CWC25: variants seen among roughly 807,000 people sequenced by gnomAD.
CWC25 encodes the protein CWC25 spliceosome associated protein.
In CWC25, 31 loss-of-function variants were observed where a neutral mutation model predicts 54.6. The observed-to-expected ratio is 0.57, with a 90% CI of 0.43 to 0.77. The LOEUF is 0.77. CWC25 is among the 30% of genes least tolerant of loss of function. The pLI is 0.00. For synonymous variants in CWC25, 151 were observed against 187.0 expected, an observed-to-expected ratio of 0.81 and a Z score of 1.57; for missense variants, 453 against 529.3, an observed-to-expected ratio of 0.86 and a Z score of 1.41.
Position 38,825,251 on chromosome 17 carries a change from G to A in CWC25, c.-68C>T. ...CGGGAGGATCAAGAGAAAACGTAGA[G>A]AAATAGTTCGGGGGCTACCTCGCGG... On this transcript the variant is annotated 5_prime_UTR_variant, in exon 1 of 10. Transcript: ENST00000614790. 2.0e-6 allele frequency: 3 copies of A among 1,517,868 alleles called. No homozygotes were observed. The highest frequency in any genetic ancestry group is 2.7e-6 in the Non-Finnish European group (3 of 1,122,772). 94.0% of individuals were successfully genotyped at this position (1,517,868 alleles called of 1,614,324 possible).
chr17:38,823,845 T>C (rs1912027523), intron 1 of CWC25, among the ~76,000 whole-genome samples: 1 of 152,190 alleles, frequency 6.6e-6, no homozygotes, highest in Admixed American at 6.5e-5. Context: ...AGACGGGTGT[T>C]AGTGGATAGC....
intron 2 of CWC25, chr17:38,815,721 T>C: frequency 1.6e-6 from 2 of 1,260,864 alleles, no homozygotes; most frequent in Non-Finnish European, 2.1e-6. Flanking sequence ...CTTTATATTA[T>C]GCTTTCATTT....
chr17:38,809,803 A>C, intron 5 of CWC25, 38 bp from the exon 6 acceptor site: 1 of 1,571,024 alleles, frequency 6.4e-7, no homozygotes. Flanking sequence ...TGAAAAAGAA[A>C]ATATATATAG....
intron 7 of CWC25, 69 bp downstream of exon 7, chr17:38,806,695 CA>C: frequency 2.2e-6 from 3 of 1,391,296 alleles, no homozygotes; most frequent in Non-Finnish European, 9.6e-7. Context: ...TCACCAAAAG[CA>C]AAAACAAATG....
At chr17:38,820,011 C>T (rs1353105595) in intron 2 of CWC25, among the ~76,000 whole-genome samples, 1 of 152,128 alleles carries the variant, frequency 6.6e-6, no homozygotes, top group Admixed American at 6.6e-5. Context: ...GTTCCTACTA[C>T]AGACTGGTCT....
chr17:38,809,832 A>T, intron 5 of CWC25, 67 bp from the exon 6 acceptor site: 1 of 1,375,560 alleles, frequency 7.3e-7, no homozygotes, highest in Middle Eastern at 1.8e-4. Context: ...TAAATATCTT[A>T]TGCTGAACTA....
intron 1 of CWC25, 64 bp from the exon 2 acceptor site, chr17:38,821,137 C>T: frequency 3.3e-6 from 5 of 1,507,902 alleles, no homozygotes; most frequent in East Asian, 2.3e-5. Flanking sequence ...GTATAACTAG[C>T]CCTGCCTCAC....
At chr17:38,802,908 A>G (rs1911089226) in intron 8 of CWC25, 47 bp from the exon 9 acceptor site, 1 of 1,608,182 alleles carries the variant, frequency 6.2e-7, no homozygotes, top group African/African-American at 1.3e-5. Context: ...CAGCAAAAAA[A>G]CCAGAAGCAG....
At chr17:38,825,125 C>A in intron 1 of CWC25, 41 bp downstream of exon 1, 1 of 1,480,488 alleles carries the variant, frequency 6.8e-7, no homozygotes, top group Non-Finnish European at 9.0e-7. Flanking sequence ...AATTTCCGTC[C>A]CGGCCTCAGT....
chr17:38,818,633 A>AGAT (rs937242799), intron 2 of CWC25, among the ~76,000 whole-genome samples: 1 of 151,448 alleles, frequency 6.6e-6, no homozygotes, highest in Non-Finnish European at 1.5e-5. Flanking sequence ...CAAAACAAAC[A>AGAT]GATGAATACT....
chr17:38,812,872 G>C lies in CWC25; in HGVS notation c.429-8C>G. 11 of 1,441,222 alleles carry C rather than the reference G, an allele frequency of 7.6e-6. No individual in the cohort carries two copies. Among genetic ancestry groups the C allele is most frequent in the Non-Finnish European group, 9.5e-6 (10 of 1,049,676 alleles). The allele number at this position is 1,441,222 out of a possible 1,614,324, so 89.3% of individuals were successfully genotyped here. ...TTCTCCTCCTCCTTCTTCCTAAAGA[G>C]AGATAATTACAAAATTCATGACTAT... On this transcript the variant is annotated splice_region_variant and splice_polypyrimidine_tract_variant and intron_variant, in intron 3 of 9. Transcript: ENST00000614790.
At chr17:38,821,207 T>C (rs1051260107) in intron 1 of CWC25, 134 bp from the exon 2 acceptor site, 14 of 780,018 alleles carry the variant, frequency 1.8e-5, no homozygotes, top group Non-Finnish European at 4.0e-6. Context: ...AATGGCAAGG[T>C]TTTCTTCCAA....
chr17:38,805,717 TA>T (rs1474893090), intron 8 of CWC25, among the ~76,000 whole-genome samples: 3 of 152,136 alleles, frequency 2.0e-5, no homozygotes, highest in Non-Finnish European at 4.4e-5. Flanking sequence ...ACTGCAACCT[TA>T]ATCCCTTGAC....
At chr17:38,813,751 T>C (rs1415749345) in intron 3 of CWC25, among the ~76,000 whole-genome samples, 1 of 151,990 alleles carries the variant, frequency 6.6e-6, no homozygotes, top group African/African-American at 2.4e-5. Context: ...ACCATGTTGC[T>C]CAGGCTGGTC....
chr17:38,821,373 C>G (rs1011958286), intron 1 of CWC25, among the ~76,000 whole-genome samples: 1 of 152,046 alleles, frequency 6.6e-6, no homozygotes, highest in Non-Finnish European at 1.5e-5. Context: ...CCAGCCTGGC[C>G]AACATGATGA....
chr17:38,818,588 C>CAAAAAAAAAAAAAAAAAAAAAA (rs56382375), intron 2 of CWC25, among the ~76,000 whole-genome samples: 2 of 48,482 alleles, frequency 4.1e-5, no homozygotes, highest in Admixed American at 3.9e-4. Flanking sequence ...GACTCCATCT[C>CAAAAAAAAAAAAAAAAAAAAAA]AAAAAAAAAA....
Position 38,801,848 on chromosome 17 carries a change from C to T in CWC25, c.*244G>A, listed in dbSNP as rs1055509009. ...TTCCAGAGTGGCACAAGCACTCCCA[C>T]CGAGATGGTCCAGTGCCCACCCGTT... On this transcript the variant is annotated 3_prime_UTR_variant, in exon 10 of 10. Coordinates refer to ENST00000614790, the MANE Select transcript of CWC25 (RefSeq NM_017748.5). The T allele has an allele frequency of 2.6e-6, 1 of 378,376 alleles. No homozygotes were observed. Among genetic ancestry groups the T allele is most frequent in the Admixed American group, 4.4e-5 (1 of 22,508 alleles). 23.4% of individuals were successfully genotyped at this position (378,376 alleles called of 1,614,324 possible). A position where few individuals can be genotyped will look rare whatever the true frequency, so the allele number is the denominator to read the frequency against.
chr17:38,814,828 T>C (rs1911633847), intron 3 of CWC25, 33 bp downstream of exon 3: 1 of 1,528,868 alleles, frequency 6.5e-7, no homozygotes. Context: ...AAAGCATCTG[T>C]AACAAACCCC....
intron 4 of CWC25, among the ~76,000 whole-genome samples, chr17:38,812,460 TCTA>T (rs541737687): frequency 1.3e-5 from 2 of 152,270 alleles, no homozygotes; most frequent in South Asian, 4.1e-4. Flanking sequence ...AAACCCCGTC[TCTA>T]CTAAAAATAC....
Sources: gnomAD v4.1 joint callset for allele counts (sites outside exome capture counted in the v4.1 genomes callset) on GRCh38, gnomAD v4.1.1 for gene constraint, MANE v1.5 for transcripts, NCBI Gene and HGNC (gene_info 2026-07-23, HGNC 2026-07-21) for gene names.